Variants in EML4 observed in about 807,000 individuals in gnomAD.
EML4 encodes EMAP like 4, also known as echinoderm microtubule-associated protein-like 4.
Under a neutral mutation model 129.0 loss-of-function variants are expected in EML4, and 72 were observed. That is an observed-to-expected ratio of 0.56 (90% CI 0.46 to 0.68). EML4 has a LOEUF of 0.68. Among genes scored for constraint, EML4 ranks in the 30% least tolerant of loss-of-function variants. The probability of loss-of-function intolerance (pLI) is 0.00; values close to 1 mark genes in which losing one functional copy is unlikely to be tolerated. For missense variants in EML4, 1,363 were observed against 1,190.6 expected, an observed-to-expected ratio of 1.14 and a Z score of -2.13; for synonymous variants, 532 against 405.0, an observed-to-expected ratio of 1.31 and a Z score of -3.77.
chr2:42,257,078 G>A (rs1037709816), intron 3 of EML4, among the ~76,000 whole-genome samples: 1 of 152,020 alleles, frequency 6.6e-6, no homozygotes, highest in African/African-American at 2.4e-5. Flanking sequence ...TAAAATTAAG[G>A]CTTATTTCAA....
chr2:42,311,619 A>C (rs1027396826), intron 17 of EML4, among the ~76,000 whole-genome samples: 58 of 152,136 alleles, frequency 3.8e-4, no homozygotes, highest in Non-Finnish European at 2.4e-4. Context: ...AACTCACCTG[A>C]TACAGAGCAG....
rs764494908 is a variant in EML4, at chr2:42,295,386, T to C, written c.1359T>C (p.Tyr453=). 1.8e-5 allele frequency: 29 copies of C among 1,609,920 alleles called. No individual in the cohort carries two copies. The highest frequency in any genetic ancestry group is 1.2e-4 in the Admixed American group (7 of 58,918). ...TTTTTATTGTTTCCTTGTAGAAATA[T>C]GAAAAGCCAAAATTTGTGCAGTGTT... is the stretch of plus-strand genomic sequence containing the variant. ...LTRKQGIFGK[Y]EKPKFVQCLA... is the part of the protein sequence containing the mutation. Residue 453 remains tyrosine, a synonymous_variant, in exon 13 of 23, where the codon TAT becomes TAC. Transcript: ENST00000318522.
At chr2:42,227,995 G>A (rs1204274027) in intron 1 of EML4, among the ~76,000 whole-genome samples, 2 of 152,142 alleles carry the variant, frequency 1.3e-5, no homozygotes, top group African/African-American at 2.4e-5. Context: ...CAAGGTGGGC[G>A]GATTACTTGA....
intron 1 of EML4, among the ~76,000 whole-genome samples, chr2:42,241,466 C>G (rs1014591848): frequency 6.6e-6 from 1 of 152,130 alleles, no homozygotes; most frequent in Non-Finnish European, 1.5e-5. Flanking sequence ...CATACTTGTT[C>G]TGGAGAAACT....
At chr2:42,203,240 C>A (rs867372946) in intron 1 of EML4, among the ~76,000 whole-genome samples, 1 of 152,178 alleles carries the variant, frequency 6.6e-6, no homozygotes, top group Non-Finnish European at 1.5e-5. Context: ...TAAAAGAAAA[C>A]TTAACCTAAC....
intron 1 of EML4, among the ~76,000 whole-genome samples, chr2:42,195,366 C>G (rs1018413076): frequency 3.9e-5 from 6 of 152,118 alleles, no homozygotes; most frequent in Non-Finnish European, 8.8e-5. Context: ...TTTAATGTAT[C>G]ATACTCAGTT....
chr2:42,194,120 A>G (rs983461420), intron 1 of EML4, among the ~76,000 whole-genome samples: 1 of 152,232 alleles, frequency 6.6e-6, no homozygotes, highest in Admixed American at 6.5e-5. Context: ...GCCTATATAA[A>G]TATACACAAA....
At chr2:42,267,128 T>A (rs1455879658) in intron 6 of EML4, among the ~76,000 whole-genome samples, 1 of 152,216 alleles carries the variant, frequency 6.6e-6, no homozygotes, top group Non-Finnish European at 1.5e-5. Context: ...TTTTCTCATC[T>A]GTAACTGAGA....
intron 11 of EML4, among the ~76,000 whole-genome samples, chr2:42,290,297 T>G (rs1451280539): frequency 1.3e-5 from 2 of 152,178 alleles, no homozygotes; most frequent in South Asian, 4.1e-4. Flanking sequence ...CCATCCTTGC[T>G]TAAGTCACAA....
chr2:42,223,833 G>C (rs1380067993), intron 1 of EML4, among the ~76,000 whole-genome samples: 1 of 152,044 alleles, frequency 6.6e-6, no homozygotes, highest in South Asian at 2.1e-4. Flanking sequence ...AGTTGAAGTT[G>C]CCCTTATCAC....
At chr2:42,316,925 G>T (rs1296244591) in intron 18 of EML4, among the ~76,000 whole-genome samples, 2 of 152,162 alleles carry the variant, frequency 1.3e-5, no homozygotes, top group Admixed American at 1.3e-4. Context: ...TAGTGTTGTA[G>T]TAGCAAATAA....
At chr2:42,302,425 G>A (rs780006902) in intron 14 of EML4, among the ~76,000 whole-genome samples, 1 of 151,760 alleles carries the variant, frequency 6.6e-6, no homozygotes, top group Non-Finnish European at 1.5e-5. Flanking sequence ...TACAGAAAAT[G>A]TTTCTTAGGC....
intron 1 of EML4, among the ~76,000 whole-genome samples, chr2:42,172,011 G>C (rs924729582): frequency 2.0e-5 from 3 of 151,906 alleles, no homozygotes; most frequent in Admixed American, 2.0e-4. Context: ...CATCAGGAGA[G>C]CCATGAATAT....
intron 1 of EML4, among the ~76,000 whole-genome samples, chr2:42,236,188 A>G (rs958072529): frequency 6.6e-6 from 1 of 152,246 alleles, no homozygotes; most frequent in South Asian, 2.1e-4. Flanking sequence ...TGAACTTTAT[A>G]TAAATTTCAC....
At chr2:42,248,523 T>A (rs2104317452) in intron 2 of EML4, among the ~76,000 whole-genome samples, 1 of 152,182 alleles carries the variant, frequency 6.6e-6, no homozygotes, top group East Asian at 1.9e-4. Flanking sequence ...TCCTTTCTGG[T>A]CCTTTTCTAA....
At chr2:42,175,444 C>T (rs921592256) in intron 1 of EML4, among the ~76,000 whole-genome samples, 1 of 151,622 alleles carries the variant, frequency 6.6e-6, no homozygotes, top group African/African-American at 2.4e-5. Flanking sequence ...AAGGTTAAGT[C>T]CAGGTTTTTT....
chr2:42,284,492 G>A, intron 8 of EML4, 142 bp from the exon 9 acceptor site: 1 of 501,722 alleles, frequency 2.0e-6, no homozygotes. Flanking sequence ...GATATTTGAT[G>A]ATTGTTTGAT....
At chr2:42,311,593 C>CCATAAACT (rs1668955331) in intron 17 of EML4, among the ~76,000 whole-genome samples, 1 of 152,092 alleles carries the variant, frequency 6.6e-6, no homozygotes, top group South Asian at 2.1e-4. Flanking sequence ...CATAAAGTTT[C>CCATAAACT]CATAAACTCA....
chr2:42,261,185 A>G lies in EML4; in HGVS notation c.403A>G (p.Asn135Asp), dbSNP rs770348859. 3.2e-5 allele frequency: 51 copies of G among 1,613,798 alleles called. No homozygotes were observed. The highest frequency in any genetic ancestry group is 1.3e-5 in the Non-Finnish European group (15 of 1,179,868). The change falls in exon 4 of 23, where the codon AAT becomes GAT. Residue 135 changes from asparagine (N) to aspartate (D), a missense_variant. Physicochemically the swap from Asn to Asp is conservative, Grantham distance 23. Transcript: ENST00000318522. ...QREKKEESHS[N>D]DQSPQIRASP... ...AGAAAAAAAAGAGGAATCTCATTCT[A>G]ATGATCAAAGTCCACAAATTCGAGC...
Sources: gnomAD v4.1 joint callset for allele counts (sites outside exome capture counted in the v4.1 genomes callset) on GRCh38, gnomAD v4.1.1 for gene constraint, MANE v1.5 for transcripts, NCBI Gene and HGNC (gene_info 2026-07-23, HGNC 2026-07-21) for gene names.